Variants in NOL6 observed in about 807,000 individuals in gnomAD.
NOL6 encodes the protein nucleolar protein 6, also known as nucleolar RNA-associated protein.
In NOL6, 33 loss-of-function variants were observed where a neutral mutation model predicts 131.7. The ratio of observed to expected loss-of-function variants is 0.25; its 90% CI spans 0.19 to 0.33. The LOEUF is 0.33. Ranked by LOEUF, NOL6 falls within the 10% of genes least tolerant of loss-of-function variation. NOL6 has a pLI of 1.00. For missense variants in NOL6, 1,297 were observed against 1,494.5 expected (o/e 0.87, Z 2.18); for synonymous variants, 580 against 605.7 (o/e 0.96, Z 0.62).
rs1448492284 is a variant in NOL6 at position 33,466,288 on chromosome 9, C to T, written c.2209+20G>A. 6.2e-7 allele frequency: 1 copy of T among 1,613,932 alleles called. No individual in the cohort carries two copies. Among genetic ancestry groups the T allele is most frequent in the East Asian group, 2.2e-5 (1 of 44,878 alleles). ...GGAGCTGGAACTATCCCTCCCACTC[C>T]CTCCCAAGGGCCCTCTTACCGGTCA... On this transcript the variant is annotated intron_variant, in intron 17 of 25. Coordinates refer to ENST00000297990, the MANE Select transcript of NOL6 (RefSeq NM_022917.5).
chr9:33,468,083 G>A lies in NOL6; in HGVS notation c.1371C>T (p.His457=), dbSNP rs752239927. The stretch of plus-strand genomic sequence containing the variant: ...TGGGTTTGGGAGTCATCAACAGCAG[G>A]TGGAACCCGTCGTCAGCTCTGCTGT... ...LLDSRADDGF[H]LLLMTPKPMI... Residue 457 remains histidine, a synonymous_variant, in exon 11 of 26, where the codon CAC becomes CAT. Transcript: ENST00000297990. 9 of 1,614,042 alleles carry A rather than the reference G, an allele frequency of 5.6e-6. No homozygotes were observed. The highest frequency in any genetic ancestry group is 1.3e-5 in the African/African-American group (1 of 74,918).
intron 1 of NOL6, among the ~76,000 whole-genome samples, chr9:33,473,485 G>T (rs974397171): frequency 1.3e-5 from 2 of 152,218 alleles, no homozygotes; most frequent in Non-Finnish European, 2.9e-5. Flanking sequence ...TGTGGAGGAA[G>T]ATCCCGCTTA....
At chr9:33,473,276 C>T (rs1286364548) in intron 1 of NOL6, among the ~76,000 whole-genome samples, 1 of 152,200 alleles carries the variant, frequency 6.6e-6, no homozygotes, top group Non-Finnish European at 1.5e-5. Flanking sequence ...ACTATTCACT[C>T]GAGGTTCCAC....
Position 33,468,961 on chromosome 9 carries a change from G to T in NOL6, c.1023C>A (p.Asp341Glu), listed in dbSNP as rs758414193. 3.1e-6 allele frequency: 5 copies of T among 1,614,118 alleles called. No homozygotes were observed. Among genetic ancestry groups the T allele is most frequent in the Non-Finnish European group, 4.2e-6 (5 of 1,180,008 alleles). ...LKVWLRQREL[D>E]KGQGGFTGFL... The stretch of plus-strand genomic sequence containing the variant: ...GGCTGCGCCACCCCCAACTCACCTT[G>T]TCCAGCTCCCGCTGCCGCAGCCAGA... The change falls in exon 7 of 26, where the codon GAC (aspartate) becomes GAA (glutamate). Residue 341 changes from aspartate to glutamate, a missense_variant. By Grantham distance (45) the Asp-to-Glu change is conservative. Coordinates refer to ENST00000297990, the MANE Select transcript of NOL6 (RefSeq NM_022917.5).
chr9:33,470,054 G>A lies in NOL6; in HGVS notation c.516C>T (p.Ile172=), dbSNP rs1827365479. 6.2e-7 allele frequency: 1 copy of A among 1,611,684 alleles called. No homozygotes were observed. Among genetic ancestry groups the A allele is most frequent in the African/African-American group, 1.3e-5 (1 of 74,872 alleles). ...VVGSYLLGTC[I]RPDINVDVAL... ...CCACATCCACATTGATGTCTGGTCG[G>A]ATGCAGGTGCCCAGAAGGTAGCTGC... The change falls in exon 4 of 26, where the codon ATC becomes ATT. Residue 172 remains isoleucine, a synonymous_variant. Coordinates refer to ENST00000297990, the MANE Select transcript of NOL6 (RefSeq NM_022917.5).
intron 21 of NOL6, 29 bp from the exon 22 acceptor site, chr9:33,464,190 C>T: frequency 6.3e-7 from 1 of 1,577,896 alleles, no homozygotes; most frequent in Non-Finnish European, 8.6e-7. Context: ...CCTGGGTCAG[C>T]CTGCTCCTCC....
chr9:33,466,951 C>A lies in NOL6; in HGVS notation c.1911G>T (p.Val637=), dbSNP rs371001772. Residue 637 remains valine (V), a synonymous_variant, in exon 15 of 26, where the codon GTG becomes GTT. Coordinates refer to ENST00000297990, the MANE Select transcript of NOL6 (RefSeq NM_022917.5). Reference sequence around the variant, plus strand: ...GGATAAGTGCATCCAGGGGGCCCCCCACATAGTGGACACAGGTTTCTGGGA... The same window carrying A: ...GGATAAGTGCATCCAGGGGGCCCCCAACATAGTGGACACAGGTTTCTGGGA... ...ADIPETCVHY[V]GGPLDALIQG... is the part of the protein sequence containing the mutation. 5 of 1,614,072 alleles carry A rather than the reference C, an allele frequency of 3.1e-6. No homozygotes were observed. Among genetic ancestry groups the A allele is most frequent in the Non-Finnish European group, 4.2e-6 (5 of 1,180,048 alleles).
rs752396088 is a variant in NOL6 at position 33,468,162 on chromosome 9, G to C, written c.1309-17C>G. ...ATGCTGTACCTGGAGCCACAGAAGG[G>C]ACCATCCCTGTGCCCTTCATTGATC... On this transcript the variant is annotated splice_polypyrimidine_tract_variant and intron_variant, in intron 10 of 25. Transcript: ENST00000297990. 5.0e-6 allele frequency: 8 copies of C among 1,614,030 alleles called. No individual in the cohort carries two copies. In the South Asian group the frequency reaches 7.7e-5, roughly 16 times the overall value.
chr9:33,469,952 G>A, intron 4 of NOL6, 60 bp downstream of exon 4: 1 of 1,453,614 alleles, frequency 6.9e-7, no homozygotes, highest in Non-Finnish European at 9.3e-7. Flanking sequence ...AAGAAAGAGG[G>A]ATCCAGGATT....
At chr9:33,463,488 G>A in intron 23 of NOL6, 47 bp from the exon 24 acceptor site, 1 of 1,530,926 alleles carries the variant, frequency 6.5e-7, no homozygotes, top group Non-Finnish European at 8.9e-7. Flanking sequence ...CTTGACTGAG[G>A]AACTGGACCA....
rs764989402 is a variant in NOL6, at chr9:33,468,071, C to T, written c.1383G>A (p.Met461Ile). ...AAGCCCGGATCATGGGTTTGGGAGT[C>T]ATCAACAGCAGGTGGAACCCGTCGT... ...RADDGFHLLL[M>I]TPKPMIRAFD... Residue 461 changes from methionine to isoleucine, a missense_variant, in exon 11 of 26, where the codon ATG becomes ATA. Coordinates refer to ENST00000297990, the MANE Select transcript of NOL6 (RefSeq NM_022917.5). The T allele has an allele frequency of 2.9e-5, 46 of 1,614,012 alleles. No homozygotes were observed. The highest frequency in any genetic ancestry group is 3.9e-5 in the Non-Finnish European group (46 of 1,180,032).
At position 33,463,259 on chromosome 9, in the gene NOL6, C is replaced by A; in HGVS notation, c.3177G>T (p.Leu1059=). 1 of 1,613,462 alleles carries A rather than the reference C, an allele frequency of 6.2e-7. No individual in the cohort carries two copies. Among genetic ancestry groups the A allele is most frequent in the South Asian group, 1.1e-5 (1 of 91,036 alleles). ...VLGYDPPQLY[L]TQLREAFGDL... Reference sequence around the variant, plus strand: ...GTTTAGGACCAACCCTGAGCTGCGTCAGATAGAGCTGAGGAGGATCATAGC... The same window carrying A: ...GTTTAGGACCAACCCTGAGCTGCGTAAGATAGAGCTGAGGAGGATCATAGC... The change falls in exon 24 of 26, where the codon CTG becomes CTT. Residue 1059 remains leucine, a synonymous_variant. Transcript: ENST00000297990.
Position 33,465,312 on chromosome 9 carries a change from T to G in NOL6, c.2576A>C (p.Lys859Thr). The G allele has an allele frequency of 6.3e-7, 1 of 1,591,478 alleles. No homozygotes were observed. The highest frequency in any genetic ancestry group is 8.6e-7 in the Non-Finnish European group (1 of 1,168,154). Residue 859 changes from lysine (K) to threonine (T), a missense_variant, in exon 20 of 26, where the codon AAG becomes ACG. Physicochemically the swap from Lys to Thr is moderately conservative, Grantham distance 78 (BLOSUM62 -1). Transcript: ENST00000297990. Reference sequence around the variant, plus strand: ...AAGAAGCTGGGCACGCACCCACCGCTTGGCCAGCCGTGCCACACCAGAGAA... The same window carrying G: ...AAGAAGCTGGGCACGCACCCACCGCGTGGCCAGCCGTGCCACACCAGAGAA... ...PAFSGVARLA[K>T]RWVRAQLLGE... is the part of the protein sequence containing the mutation.
At chr9:33,470,585 T>A (rs1448854141) in intron 3 of NOL6, 1 of 153,432 alleles carries the variant, frequency 6.5e-6, no homozygotes, top group Non-Finnish European at 1.4e-5. Flanking sequence ...CTGGGGAGGC[T>A]GAGGCAGAAG....
Position 33,465,245 on chromosome 9 carries a change from A to G in NOL6, c.2643T>C (p.Ala881=). 6.3e-7 allele frequency: 1 copy of G among 1,598,076 alleles called. No homozygotes were observed. Among genetic ancestry groups the G allele is most frequent in the Non-Finnish European group, 8.5e-7 (1 of 1,171,962 alleles). ...AGGGCTCAGGGTGCAGGAAAAGGGC[A>G]GCGGCCACCAGATCCAGGCTCTCAT... The part of the protein sequence containing the change: ...FADESLDLVA[A]ALFLHPEPFT... Residue 881 remains alanine, a synonymous_variant, in exon 20 of 26, where the codon GCT becomes GCC. Transcript: ENST00000297990.
rs760650576 is a variant in NOL6 at position 33,464,172 on chromosome 9, G to A, written c.2780-11C>T. On this transcript the variant is annotated splice_polypyrimidine_tract_variant and intron_variant, in intron 21 of 25. Coordinates refer to ENST00000297990, the MANE Select transcript of NOL6 (RefSeq NM_022917.5). ...CCACCTGCTCCTCCACTAGAGACAA[G>A]AATGGGTCCTGGGTCAGCCTGCTCC... The A allele has an allele frequency of 6.2e-7, 1 of 1,600,622 alleles. No individual in the cohort carries two copies. The highest frequency in any genetic ancestry group is 1.7e-5 in the Admixed American group (1 of 59,194).
At chr9:33,464,007 A>T in intron 22 of NOL6, 30 bp downstream of exon 22, 1 of 1,612,660 alleles carries the variant, frequency 6.2e-7, no homozygotes, top group Non-Finnish European at 8.5e-7. Context: ...GAAGAAAACC[A>T]CACATTAGGG....
rs1827265397 is a variant in NOL6 at position 33,467,018 on chromosome 9, A to C, written c.1875-31T>G. The C allele has an allele frequency of 1.9e-6, 3 of 1,613,856 alleles. No individual in the cohort carries two copies. The highest frequency in any genetic ancestry group is 2.5e-6 in the Non-Finnish European group (3 of 1,179,940). On this transcript the variant is annotated intron_variant, in intron 14 of 25. Coordinates refer to ENST00000297990, the MANE Select transcript of NOL6 (RefSeq NM_022917.5). This position sits in a 1 kb window ranked among gnomAD's most constrained non-coding sequence, Gnocchi z 4.4. Reference sequence around the variant, plus strand: ...AAAGAGGCAGAGACACAGTGAGAAAATTTGGGGCTATGTTCTCGCTCAACT... The same window carrying C: ...AAAGAGGCAGAGACACAGTGAGAAACTTTGGGGCTATGTTCTCGCTCAACT...
At chr9:33,471,500 G>T (rs1279991619) in intron 3 of NOL6, among the ~76,000 whole-genome samples, 1 of 152,078 alleles carries the variant, frequency 6.6e-6, no homozygotes, top group Non-Finnish European at 1.5e-5. Context: ...TTGTGCCTTT[G>T]TACTGGCTGT....
Sources: allele counts gnomAD v4.1 joint callset (sites outside exome capture counted in the v4.1 genomes callset), GRCh38; gene constraint gnomAD v4.1.1; non-coding constraint Gnocchi (gnomAD v3.1); transcripts MANE v1.5; gene names NCBI Gene and HGNC (gene_info 2026-07-23, HGNC 2026-07-21).